The following CACNA1C variants were observed in gnomAD, a reference collection of about 807,000 sequenced individuals.
The protein encoded by CACNA1C is voltage-dependent L-type calcium channel subunit alpha-1C.
In CACNA1C, 30 loss-of-function variants were observed where a neutral mutation model predicts 229.0. The observed-to-expected ratio is 0.13, with a 90% CI of 0.10 to 0.18. The LOEUF (loss-of-function observed/expected upper bound fraction) is 0.18, where lower values mean the gene tolerates loss of function less well. CACNA1C is among the 10% of genes least tolerant of loss of function. CACNA1C has a pLI of 1.00. For synonymous variants in CACNA1C, 1,114 were observed against 1,132.5 expected (o/e 0.98, Z 0.33); for missense variants, 1,658 against 2,845.0 (o/e 0.58, Z 9.49).
chr12:2,538,318 T>C (rs544866673), intron 9 of CACNA1C, among the ~76,000 whole-genome samples: 11 of 152,328 alleles, frequency 7.2e-5, no homozygotes, highest in African/African-American at 2.6e-4. Flanking sequence ...TAATTGCTTA[T>C]GCAGAGGAAG....
intron 3 of CACNA1C, among the ~76,000 whole-genome samples, chr12:2,349,318 G>A (rs1048511513): frequency 2.1e-4 from 32 of 152,182 alleles, no homozygotes; most frequent in Non-Finnish European, 4.7e-4. Context: ...GCAGCGTTGG[G>A]ACATAGAGCA....
intron 3 of CACNA1C, among the ~76,000 whole-genome samples, chr12:2,340,132 A>G (rs929365870): frequency 2.0e-5 from 3 of 152,230 alleles, no homozygotes; most frequent in Admixed American, 6.5e-5. Flanking sequence ...CTGTTTTCAC[A>G]GTTTCAGCAG....
intron 15 of CACNA1C, among the ~76,000 whole-genome samples, chr12:2,583,737 G>A (rs934005293): frequency 2.0e-5 from 3 of 152,182 alleles, no homozygotes; most frequent in African/African-American, 7.2e-5. Flanking sequence ...ATAAAGGGTC[G>A]TTGGGAGTTT....
chr12:2,301,587 CAGA>C (rs1407435838), intron 3 of CACNA1C, among the ~76,000 whole-genome samples: 2 of 152,176 alleles, frequency 1.3e-5, no homozygotes, highest in African/African-American at 4.8e-5. Flanking sequence ...AGAAGTCCTG[CAGA>C]AGAAGTCCTC....
At chr12:2,101,501 A>T (rs1256643243) in intron 1 of CACNA1C, among the ~76,000 whole-genome samples, 2 of 152,092 alleles carry the variant, frequency 1.3e-5, no homozygotes, top group Non-Finnish European at 2.9e-5. Flanking sequence ...CACCGTGCAG[A>T]ACAGAAATGC....
rs918884608 is a variant in CACNA1C at position 2,677,496 on chromosome 12, G to A, written c.4957-237G>A. On this transcript the variant is annotated intron_variant, in intron 40 of 46. Coordinates refer to ENST00000399655, the MANE Select transcript of CACNA1C (RefSeq NM_000719.7). This position sits in a 1 kb window ranked among gnomAD's most constrained non-coding sequence, Gnocchi z 7.4. ...CACTGAGGCTCCCGTGACAGCCCCT[G>A]ACCCCTGGTGCCCCGTCCTAATGAG... 1.3e-5 allele frequency: 8 copies of A among 616,218 alleles called. No homozygotes were observed. The highest frequency in any genetic ancestry group is 2.0e-5 in the Non-Finnish European group (7 of 354,494). 38.2% of individuals were successfully genotyped at this position (616,218 alleles called of 1,614,324 possible).
At chr12:2,514,371 G>T (rs901310494) in intron 9 of CACNA1C, among the ~76,000 whole-genome samples, 4 of 152,126 alleles carry the variant, frequency 2.6e-5, no homozygotes, top group African/African-American at 9.7e-5. Context: ...AAACAACAAG[G>T]GACTGTTAAC....
intron 3 of CACNA1C, among the ~76,000 whole-genome samples, chr12:2,297,903 C>G (rs1319962001): frequency 6.6e-6 from 1 of 152,008 alleles, no homozygotes; most frequent in African/African-American, 2.4e-5. Context: ...TGTGCACATG[C>G]AAATAAATAA....
At chr12:2,197,173 C>T (rs2097431762) in intron 3 of CACNA1C, among the ~76,000 whole-genome samples, 2 of 152,228 alleles carry the variant, frequency 1.3e-5, no homozygotes, top group Non-Finnish European at 2.9e-5. Context: ...ATGCAACACA[C>T]TGGCCTCCAC....
rs2069042013 is a variant in CACNA1C, at chr12:2,597,636, C to T, written c.2853+347C>T. 2.8e-6 allele frequency: 2 copies of T among 708,144 alleles called. No homozygotes were observed. The highest frequency in any genetic ancestry group is 5.0e-6 in the Non-Finnish European group (2 of 403,242). The allele number at this position is 708,144 out of a possible 1,614,324, so 43.9% of individuals were successfully genotyped here. On this transcript the variant is annotated intron_variant, in intron 21 of 46. Transcript: ENST00000399655. The surrounding 1 kb of genome is among the most constrained non-coding windows in gnomAD (Gnocchi z 4.3). The stretch of plus-strand genomic sequence containing the variant: ...GCCTGAAATTGGAAAAATGAGTGCC[C>T]CTCACTTTGTGTGATGCACTTTGCC...
In CACNA1C at chr12:2,328,333, CA is replaced by C. The variant is rs572247992; in HGVS notation, c.478-120642del. 6.6e-4 allele frequency among the ~76,000 whole-genome samples: 100 copies of C among 152,320 alleles called. 2 individuals are homozygous for C. In the Middle Eastern group the frequency reaches 0.01, roughly 16 times the overall value. Reference sequence around the variant, plus strand: ...AGTGAGGCTTTGTGCCCAGGTTTAACATAAGTTCCTGGGGTGCTGTGATAGC... The same window carrying C: ...AGTGAGGCTTTGTGCCCAGGTTTAACTAAGTTCCTGGGGTGCTGTGATAGC... On this transcript the variant is annotated intron_variant, in intron 3 of 46. Coordinates refer to ENST00000399655, the MANE Select transcript of CACNA1C (RefSeq NM_000719.7).
At chr12:2,289,734 C>T (rs1478328410) in intron 3 of CACNA1C, among the ~76,000 whole-genome samples, 1 of 152,022 alleles carries the variant, frequency 6.6e-6, no homozygotes, top group Non-Finnish European at 1.5e-5. Context: ...ATCCAAGCTG[C>T]CGATGGGTAC....
chr12:2,188,340 C>T (rs1264389749), intron 3 of CACNA1C, among the ~76,000 whole-genome samples: 1 of 136,702 alleles, frequency 7.3e-6, no homozygotes, highest in Non-Finnish European at 1.5e-5. Flanking sequence ...AGTCTTGCAA[C>T]ATAAACTCTT....
chr12:2,522,824 C>A (rs1201831553), intron 9 of CACNA1C, among the ~76,000 whole-genome samples: 1 of 152,110 alleles, frequency 6.6e-6, no homozygotes, highest in Non-Finnish European at 1.5e-5. Flanking sequence ...TCATCTTGCC[C>A]AAGATCATCT....
intron 3 of CACNA1C, among the ~76,000 whole-genome samples, chr12:2,185,029 G>T (rs1351028518): frequency 6.6e-6 from 1 of 152,006 alleles, no homozygotes; most frequent in Non-Finnish European, 1.5e-5. Context: ...ACTCCGCGTG[G>T]CTCATTGCTC....
chr12:2,135,857 T>G lies in CACNA1C; in HGVS notation c.477+15427T>G, dbSNP rs2093371635. Reference sequence around the variant, plus strand: ...CACCCAGTTCGAGCTTCCCGGCTGCTTTGTTTACCTAATCAAGCCCGGGCA... The same window carrying G: ...CACCCAGTTCGAGCTTCCCGGCTGCGTTGTTTACCTAATCAAGCCCGGGCA... On this transcript the variant is annotated intron_variant, in intron 3 of 46. Coordinates refer to ENST00000399655, the MANE Select transcript of CACNA1C (RefSeq NM_000719.7). Among the ~76,000 whole-genome samples, 2 of 147,712 alleles carry G rather than the reference T, an allele frequency of 1.4e-5. 1 individual carries two copies. The highest frequency in any genetic ancestry group is 5.2e-5 in the African/African-American group (2 of 38,270).
chr12:2,376,419 G>C (rs542881048), intron 3 of CACNA1C, among the ~76,000 whole-genome samples: 1 of 152,318 alleles, frequency 6.6e-6, no homozygotes, highest in South Asian at 2.1e-4. Context: ...ATAGCACCGA[G>C]ATGGTGTCTT....
intron 1 of CACNA1C, among the ~76,000 whole-genome samples, chr12:2,088,166 A>G (rs1469970349): frequency 6.6e-6 from 1 of 152,196 alleles, no homozygotes; most frequent in African/African-American, 2.4e-5. Context: ...ATACAATTAC[A>G]CTTTTGTTAG....
In CACNA1C at chr12:2,590,351, CT is replaced by C. The variant is rs370660762; in HGVS notation, c.2531-2856del. On this transcript the variant is annotated intron_variant, in intron 18 of 46. Transcript: ENST00000399655. The stretch of plus-strand genomic sequence containing the variant: ...GTGCAGCAGCACCTCACTTCCGATG[CT>C]TTTTTCCAAACCTCCAAGAACAAAA... Among the ~76,000 whole-genome samples, 60 of 152,296 alleles carry C rather than the reference CT, an allele frequency of 3.9e-4. 2 individuals are homozygous for C. The highest frequency in any genetic ancestry group is 1.4e-3 in the African/African-American group (59 of 41,546).
Sources: gnomAD v4.1 joint callset for allele counts (sites outside exome capture counted in the v4.1 genomes callset) on GRCh38, gnomAD v4.1.1 for gene constraint, Gnocchi (gnomAD v3.1) non-coding constraint, MANE v1.5 for transcripts, NCBI Gene and HGNC (gene_info 2026-07-23, HGNC 2026-07-21) for gene names.